Variants in RBFOX1 observed in about 807,000 individuals in gnomAD.
The protein encoded by RBFOX1 is RNA binding fox-1 homolog 1, also known as RNA binding protein fox-1 homolog 1.
A neutral mutation model predicts 57.7 loss-of-function variants in RBFOX1; 8 were observed. The ratio of observed to expected loss-of-function variants is 0.14; its 90% CI spans 0.08 to 0.25. The LOEUF (loss-of-function observed/expected upper bound fraction) is 0.25, where lower values mean the gene tolerates loss of function less well. Among genes scored for constraint, RBFOX1 ranks in the 10% least tolerant of loss-of-function variants. RBFOX1 has a pLI of 1.00. For synonymous variants in RBFOX1, 326 were observed against 222.4 expected (o/e 1.47, Z -4.15); for missense variants, 611 against 548.5 (o/e 1.11, Z -1.14).
In RBFOX1 at chr16:6,839,000, T is replaced by C. The variant is rs140050071; in HGVS notation, c.-16+184350T>C. On this transcript the variant is annotated intron_variant, in intron 3 of 15. Transcript: ENST00000550418. ...CATCATTTTCTTTTTTTTCTTTATT[T>C]TTGTGACCGAGTCTTGCTCTGTCGA... is the stretch of plus-strand genomic sequence containing the variant. 6.6e-3 allele frequency among the ~76,000 whole-genome samples: 1,007 copies of C among 152,170 alleles called. 14 individuals are homozygous for C. Among genetic ancestry groups the C allele is most frequent in the African/African-American group, 0.023 (971 of 41,522 alleles).
At chr16:7,113,754 C>A (rs972843466) in intron 4 of RBFOX1, among the ~76,000 whole-genome samples, 1 of 152,078 alleles carries the variant, frequency 6.6e-6, no homozygotes, top group Admixed American at 6.6e-5. Flanking sequence ...TAGATGTGTT[C>A]TCTTTTTTTT....
rs112762942 is a variant in RBFOX1 at position 7,711,586 on chromosome 16, G to T, written c.*841G>T. On this transcript the variant is annotated 3_prime_UTR_variant, in exon 16 of 16. Coordinates refer to ENST00000550418, the MANE Select transcript of RBFOX1 (RefSeq NM_018723.4). ...ACATTAATAAAAAGGTGATAAAAAA[G>T]CACTGTTTCTATTTTTTTCTTTTTT... The T allele has an allele frequency of 2.0e-5, 3 of 152,448 alleles. No homozygotes were observed. Among genetic ancestry groups the T allele is most frequent in the African/African-American group, 7.2e-5 (3 of 41,476 alleles). The allele number at this position is 152,448 out of a possible 1,614,324, so 9.4% of individuals were successfully genotyped here.
rs1300818370 is a variant in RBFOX1 at position 7,414,450 on chromosome 16, ATTCT to A, written c.28-103692_28-103689del. Among the ~76,000 whole-genome samples the A allele has an allele frequency of 4.6e-5, 7 of 152,198 alleles. 1 individual carries two copies. Among genetic ancestry groups the A allele is most frequent in the South Asian group, 4.1e-4 (2 of 4,832 alleles). On this transcript the variant is annotated intron_variant, in intron 4 of 15. Transcript: ENST00000550418. ...TTGAAAAATCTTCAATTAAAATGTG[ATTCT>A]TTCTAATGTGAGCCACAGAATTTAA...
At chr16:5,931,637 G>GA (rs1323671296) in intron 4 of RBFOX1, among the ~76,000 whole-genome samples, 6 of 152,142 alleles carry the variant, frequency 3.9e-5, no homozygotes, top group Admixed American at 3.9e-4. Context: ...GAGCTTCCAG[G>GA]ATCAAACAGG....
chr16:6,825,267 C>G (rs1460158583), intron 3 of RBFOX1, among the ~76,000 whole-genome samples: 1 of 151,040 alleles, frequency 6.6e-6, no homozygotes, highest in Non-Finnish European at 1.5e-5. Context: ...ATGCCACACC[C>G]CTTCCCTACT....
intron 14 of RBFOX1, among the ~76,000 whole-genome samples, chr16:7,677,111 C>T (rs118145115): frequency 0.021 from 1,722 of 82,902 alleles, 16 homozygotes; most frequent in Non-Finnish European, 0.036. Context: ...TCTGTGACAA[C>T]GCACCTTGCT....
At chr16:7,136,694 G>A (rs181629467) in intron 4 of RBFOX1, among the ~76,000 whole-genome samples, 16 of 152,132 alleles carry the variant, frequency 1.1e-4, no homozygotes, top group African/African-American at 3.4e-4. Context: ...TGGGATTACG[G>A]GTGTGAGTCA....
intron 3 of RBFOX1, among the ~76,000 whole-genome samples, chr16:5,743,074 A>G (rs971697399): frequency 3.9e-5 from 6 of 152,158 alleles, no homozygotes; most frequent in East Asian, 1.9e-4. Flanking sequence ...GCTTTTCTCA[A>G]ATGGACTGAT....
At chr16:7,632,846 A>AT (rs2061196799) in intron 11 of RBFOX1, among the ~76,000 whole-genome samples, 1 of 152,248 alleles carries the variant, frequency 6.6e-6, no homozygotes. Flanking sequence ...ATGGCTCTAT[A>AT]TGATGATATG....
chr16:6,593,897 A>G (rs1026313731), intron 2 of RBFOX1, among the ~76,000 whole-genome samples: 1 of 152,164 alleles, frequency 6.6e-6, no homozygotes, highest in Non-Finnish European at 1.5e-5. Context: ...CTTGTCTCTC[A>G]TTGCCTAGCG....
intron 4 of RBFOX1, among the ~76,000 whole-genome samples, chr16:7,204,550 G>A (rs1170661267): frequency 6.6e-6 from 1 of 152,148 alleles, no homozygotes; most frequent in Admixed American, 6.5e-5. Context: ...GGAAGCTGAG[G>A]ATGGAGAATC....
At chr16:7,672,656 G>T (rs2071854406) in intron 13 of RBFOX1, among the ~76,000 whole-genome samples, 1 of 151,712 alleles carries the variant, frequency 6.6e-6, no homozygotes. Flanking sequence ...TTGAGGCCAG[G>T]GGTTCAAGAC....
chr16:7,441,842 G>A (rs910647184), intron 4 of RBFOX1, among the ~76,000 whole-genome samples: 1 of 152,094 alleles, frequency 6.6e-6, no homozygotes, highest in Non-Finnish European at 1.5e-5. Flanking sequence ...CCTGCTTCAC[G>A]ATCCACTGGC....
intron 4 of RBFOX1, among the ~76,000 whole-genome samples, chr16:5,871,135 C>A (rs917940672): frequency 1.3e-5 from 2 of 152,236 alleles, no homozygotes; most frequent in Non-Finnish European, 2.9e-5. Context: ...CTGCACCACA[C>A]ACAGTTTTAA....
At chr16:5,673,367 A>C (rs950701974) in intron 3 of RBFOX1, among the ~76,000 whole-genome samples, 1 of 152,116 alleles carries the variant, frequency 6.6e-6, no homozygotes, top group African/African-American at 2.4e-5. Context: ...CACCTCAGTA[A>C]AGAAGGTGCA....
At position 6,736,983 on chromosome 16, in the gene RBFOX1, G is replaced by A. The variant is rs964663822; in HGVS notation, c.-16+82333G>A. 3.7e-4 allele frequency among the ~76,000 whole-genome samples: 57 copies of A among 152,242 alleles called. 1 individual carries two copies. Among genetic ancestry groups the A allele is most frequent in the Middle Eastern group, 3.4e-3 (1 of 294 alleles). On this transcript the variant is annotated intron_variant, in intron 3 of 15. Coordinates refer to ENST00000550418, the MANE Select transcript of RBFOX1 (RefSeq NM_018723.4). ...GCGACAGCCTGTGTGCCCTGTATTCGCCACTTATCCCTGACACGGGAACCG... is the reference window on the plus strand; with the variant it reads ...GCGACAGCCTGTGTGCCCTGTATTCACCACTTATCCCTGACACGGGAACCG...
chr16:6,907,338 A>G (rs1362349714), intron 3 of RBFOX1, among the ~76,000 whole-genome samples: 1 of 152,140 alleles, frequency 6.6e-6, no homozygotes, highest in East Asian at 1.9e-4. Context: ...TCACTCAGAG[A>G]AACAGTGTAT....
intron 3 of RBFOX1, among the ~76,000 whole-genome samples, chr16:5,811,143 A>ATTTTTTTTTTTTTTTTTTTTTTT (rs374827330): frequency 1.9e-5 from 2 of 104,558 alleles, no homozygotes; most frequent in African/African-American, 3.9e-5. Flanking sequence ...TATGGAACAA[A>ATTTTTTTTTTTTTTTTTTTTTTT]TTTTTTTTTT....
intron 4 of RBFOX1, among the ~76,000 whole-genome samples, chr16:7,197,149 C>A (rs1053937214): frequency 2.0e-5 from 3 of 152,168 alleles, no homozygotes; most frequent in African/African-American, 7.2e-5. Flanking sequence ...GTCCTTCATT[C>A]TAGCGTTCTC....
Sources: gnomAD v4.1 joint callset for allele counts (sites outside exome capture counted in the v4.1 genomes callset) on GRCh38, gnomAD v4.1.1 for gene constraint, MANE v1.5 for transcripts, NCBI Gene and HGNC (gene_info 2026-07-23, HGNC 2026-07-21) for gene names.